The following KCNH7 variants were observed in gnomAD, a reference collection of about 807,000 sequenced individuals.
KCNH7 encodes potassium voltage-gated channel subfamily H member 7.
KCNH7 carries 49 observed loss-of-function variants against 120.8 expected under a neutral mutation model. The observed-to-expected ratio is 0.41, with a 90% CI of 0.32 to 0.51. KCNH7 has a LOEUF of 0.51. Ranked by LOEUF, KCNH7 falls within the 20% of genes least tolerant of loss-of-function variation. The pLI, the probability that KCNH7 is intolerant of heterozygous loss-of-function variation, is 0.38. For synonymous variants in KCNH7, 547 were observed against 516.1 expected, an observed-to-expected ratio of 1.06 and a Z score of -0.81; for missense variants, 1,097 against 1,446.6, an observed-to-expected ratio of 0.76 and a Z score of 3.92.
chr2:162,735,955 ATTGAATG>A (rs1687890962), intron 2 of KCNH7, among the ~76,000 whole-genome samples: 3 of 152,200 alleles, frequency 2.0e-5, no homozygotes, highest in Non-Finnish European at 4.4e-5. Flanking sequence ...GGTCAAGATA[ATTGAATG>A]TTGAAGTACT....
chr2:162,730,614 C>T (rs1309756622), intron 2 of KCNH7, among the ~76,000 whole-genome samples: 1 of 151,960 alleles, frequency 6.6e-6, no homozygotes, highest in African/African-American at 2.4e-5. Context: ...AATATCCTCC[C>T]TCCAAAACTG....
chr2:162,524,120 T>G (rs960734902), intron 3 of KCNH7, among the ~76,000 whole-genome samples: 1 of 151,950 alleles, frequency 6.6e-6, no homozygotes, highest in Admixed American at 6.6e-5. Flanking sequence ...AAAGGCTTAT[T>G]GAGGGAGTAC....
intron 2 of KCNH7, among the ~76,000 whole-genome samples, chr2:162,788,423 T>C (rs1683792386): frequency 6.6e-6 from 1 of 152,136 alleles, no homozygotes; most frequent in South Asian, 2.1e-4. Flanking sequence ...ACAGGAACCA[T>C]ATAAAAGAAC....
intron 3 of KCNH7, among the ~76,000 whole-genome samples, chr2:162,519,710 C>T (rs532923607): frequency 3.3e-5 from 5 of 151,834 alleles, no homozygotes; most frequent in African/African-American, 7.2e-5. Context: ...TTATTGTTCC[C>T]ACAGTAGTCT....
At chr2:162,672,531 A>C (rs774833636) in intron 2 of KCNH7, among the ~76,000 whole-genome samples, 1 of 152,010 alleles carries the variant, frequency 6.6e-6, no homozygotes, top group African/African-American at 2.4e-5. Context: ...AATAACACTA[A>C]ATATTTTTAT....
At position 162,513,467 on chromosome 2, in the gene KCNH7, C is replaced by CTCCTTCCT. The variant is rs66776235; in HGVS notation, c.893-801_893-794dup. Reference sequence around the variant, plus strand: ...CTTCCTTCCTTCTCTCCTTCCCTCCCTCCTTCCTTCCTTCCTTCCTTCCTT... The same window carrying CTCCTTCCT: ...CTTCCTTCCTTCTCTCCTTCCCTCCCTCCTTCCTTCCTTCCTTCCTTCCTTCCTTCCTT... On this transcript the variant is annotated intron_variant, in intron 4 of 15. Transcript: ENST00000332142. Among the ~76,000 whole-genome samples, 758 of 104,690 alleles carry CTCCTTCCT rather than the reference C, an allele frequency of 7.2e-3. 21 individuals carry two copies. The highest frequency in any genetic ancestry group is 0.037 in the East Asian group (99 of 2,658). 68.7% of individuals were successfully genotyped at this position (104,690 alleles called of 152,430 possible).
At chr2:162,467,726 G>A (rs184870230) in intron 6 of KCNH7, among the ~76,000 whole-genome samples, 6 of 152,254 alleles carry the variant, frequency 3.9e-5, no homozygotes, top group Admixed American at 6.5e-5. Context: ...TTTATGTGCC[G>A]GAAGCTTAGT....
At chr2:162,812,459 C>G (rs776415470) in intron 2 of KCNH7, among the ~76,000 whole-genome samples, 19 of 151,820 alleles carry the variant, frequency 1.3e-4, no homozygotes, top group Admixed American at 3.9e-4. Flanking sequence ...TTTCAGAGCA[C>G]AAACCCACAG....
At chr2:162,479,242 AAAT>A (rs1324851434) in intron 6 of KCNH7, among the ~76,000 whole-genome samples, 1 of 151,670 alleles carries the variant, frequency 6.6e-6, no homozygotes, top group East Asian at 1.9e-4. Context: ...AGTTGAATAC[AAAT>A]TATTTATCTT....
In KCNH7 at chr2:162,504,549, T is replaced by A. The variant is rs1690801057; in HGVS notation, c.1022A>T (p.Glu341Val). ...KIPQLTLNFSEVKTEKKNSSP... is the reference protein window; with the variant it reads ...KIPQLTLNFSVVKTEKKNSSP... ...TGAATTCTTTTTCTCAGTTTTGACC[T>A]CTGAAAAATTCAGAGTGAGCTGTGG... Residue 341 changes from glutamate (E) to valine (V), a missense_variant, in exon 6 of 16, where the codon GAG (glutamate) becomes GTG (valine). Glu to Val is a moderately radical substitution (Grantham distance 121). Transcript: ENST00000332142. The A allele has an allele frequency of 6.2e-7, 1 of 1,612,700 alleles. No individual in the cohort carries two copies.
At chr2:162,693,844 A>G (rs1218703494) in intron 2 of KCNH7, among the ~76,000 whole-genome samples, 1 of 152,206 alleles carries the variant, frequency 6.6e-6, no homozygotes, top group African/African-American at 2.4e-5. Context: ...GTTAACAAAT[A>G]TAGAAAAAAA....
At chr2:162,407,072 GA>G (rs781107782) in intron 9 of KCNH7, among the ~76,000 whole-genome samples, 14 of 151,942 alleles carry the variant, frequency 9.2e-5, no homozygotes, top group Admixed American at 2.0e-4. Flanking sequence ...AAAAAATAAG[GA>G]AAGATTTTCT....
chr2:162,434,214 C>T (rs1688164142), intron 8 of KCNH7, among the ~76,000 whole-genome samples: 1 of 151,932 alleles, frequency 6.6e-6, no homozygotes, highest in Non-Finnish European at 1.5e-5. Flanking sequence ...GAACAATAGA[C>T]ATGGAGGACT....
chr2:162,452,058 C>T (rs1205462968), intron 6 of KCNH7, among the ~76,000 whole-genome samples: 1 of 151,926 alleles, frequency 6.6e-6, no homozygotes, highest in Non-Finnish European at 1.5e-5. Context: ...TAGTTATGTG[C>T]TTTTAAAAAT....
At chr2:162,705,658 A>G (rs1686674642) in intron 2 of KCNH7, among the ~76,000 whole-genome samples, 1 of 152,120 alleles carries the variant, frequency 6.6e-6, no homozygotes, top group South Asian at 2.1e-4. Context: ...GATAAAATGG[A>G]CTATTCTATG....
intron 2 of KCNH7, among the ~76,000 whole-genome samples, chr2:162,790,805 A>G (rs1574395728): frequency 6.6e-6 from 1 of 152,080 alleles, no homozygotes; most frequent in African/African-American, 2.4e-5. Context: ...AAAACTCAAC[A>G]AATTAGATAA....
chr2:162,725,738 G>C (rs1470066802), intron 2 of KCNH7, among the ~76,000 whole-genome samples: 1 of 152,004 alleles, frequency 6.6e-6, no homozygotes, highest in Non-Finnish European at 1.5e-5. Context: ...AAACTTTTTT[G>C]TTGTGGAAAA....
At chr2:162,616,737 T>A (rs1289232939) in intron 2 of KCNH7, among the ~76,000 whole-genome samples, 1 of 152,172 alleles carries the variant, frequency 6.6e-6, no homozygotes, top group Non-Finnish European at 1.5e-5. Flanking sequence ...TTTGCTTCCA[T>A]CCTGGGATTT....
At chr2:162,556,920 A>C (rs1266398616) in intron 2 of KCNH7, among the ~76,000 whole-genome samples, 1 of 152,218 alleles carries the variant, frequency 6.6e-6, no homozygotes, top group Non-Finnish European at 1.5e-5. Context: ...TTATTAATGG[A>C]TTCACAGGAA....
Sources: gnomAD v4.1 joint callset for allele counts (sites outside exome capture counted in the v4.1 genomes callset) on GRCh38, gnomAD v4.1.1 for gene constraint, MANE v1.5 for transcripts, NCBI Gene and HGNC (gene_info 2026-07-23, HGNC 2026-07-21) for gene names.